NRXN3: variants seen among roughly 807,000 people sequenced by gnomAD.
The protein encoded by NRXN3 is neurexin III.
NRXN3 carries 32 observed loss-of-function variants against 137.6 expected under a neutral mutation model. The observed-to-expected ratio is 0.23, with a 90% confidence interval of 0.18 to 0.31. The LOEUF (loss-of-function observed/expected upper bound fraction) is 0.31. NRXN3 is among the 10% of genes least tolerant of loss of function. The pLI is 1.00. For missense variants in NRXN3, 1,574 were observed against 2,062.5 expected (o/e 0.76, Z 4.59); for synonymous variants, 798 against 784.5 (o/e 1.02, Z -0.29).
intron 4 of NRXN3, among the ~76,000 whole-genome samples, chr14:78,395,081 A>G (rs1036367556): frequency 2.0e-5 from 3 of 151,616 alleles, no homozygotes; most frequent in Non-Finnish European, 4.4e-5. Flanking sequence ...TTTTGTCTTT[A>G]TCTTCCATTT....
intron 8 of NRXN3, among the ~76,000 whole-genome samples, chr14:78,740,016 G>A (rs2098557455): frequency 6.6e-6 from 1 of 152,188 alleles, no homozygotes; most frequent in Admixed American, 6.5e-5. Flanking sequence ...CTTTTGCCTA[G>A]GTTGGGTGCC....
chr14:78,443,380 T>C (rs1201932228), intron 4 of NRXN3, among the ~76,000 whole-genome samples: 1 of 152,242 alleles, frequency 6.6e-6, no homozygotes, highest in Admixed American at 6.5e-5. Context: ...CACTGTGCGC[T>C]CTGCCAGCTG....
chr14:79,676,734 C>CT (rs1205456339), intron 17 of NRXN3, among the ~76,000 whole-genome samples: 1 of 151,758 alleles, frequency 6.6e-6, no homozygotes, highest in Non-Finnish European at 1.5e-5. Context: ...TAAATATATA[C>CT]TTTTTTTAAA....
intron 1 of NRXN3, among the ~76,000 whole-genome samples, chr14:78,185,101 A>G (rs761723130): frequency 3.3e-5 from 5 of 152,304 alleles, no homozygotes; most frequent in East Asian, 1.9e-4. Context: ...GCAAGTATCT[A>G]TTGGACACTT....
intron 15 of NRXN3, among the ~76,000 whole-genome samples, chr14:79,298,506 T>C (rs1446612870): frequency 6.6e-6 from 1 of 152,102 alleles, no homozygotes; most frequent in Non-Finnish European, 1.5e-5. Context: ...AGCTGCTCTT[T>C]CAGAGGTCTT....
At chr14:79,791,307 T>A (rs903268997) in intron 19 of NRXN3, 2 of 151,946 alleles carry the variant, frequency 1.3e-5, no homozygotes, top group African/African-American at 2.4e-5. Flanking sequence ...CTGTTATGAT[T>A]GGCTCTAACT....
intron 19 of NRXN3, among the ~76,000 whole-genome samples, chr14:79,739,791 G>A (rs1031422992): frequency 1.3e-5 from 2 of 151,412 alleles, no homozygotes; most frequent in Non-Finnish European, 2.9e-5. Flanking sequence ...ATAGGGGCAA[G>A]CCCAACTCTA....
rs1263555472 is a variant in NRXN3 at position 78,507,757 on chromosome 14, T to C, written c.758-137363T>C. Among the ~76,000 whole-genome samples the C allele has an allele frequency of 2.0e-5, 3 of 152,178 alleles. 1 individual carries two copies. The highest frequency in any genetic ancestry group is 4.1e-4 in the South Asian group (2 of 4,826). On this transcript the variant is annotated intron_variant, in intron 4 of 20. Transcript: ENST00000335750. The stretch of plus-strand genomic sequence containing the variant: ...CAGTGGTCAAGTCTGTCCACTGATA[T>C]ATTAAAATAAATAAGCATCCATTTT...
At chr14:78,551,223 G>A (rs2096685625) in intron 4 of NRXN3, among the ~76,000 whole-genome samples, 1 of 152,186 alleles carries the variant, frequency 6.6e-6, no homozygotes, top group South Asian at 2.1e-4. Context: ...ATTGGCATTT[G>A]CTGAAGGATC....
intron 15 of NRXN3, among the ~76,000 whole-genome samples, chr14:79,157,588 A>G (rs1410785833): frequency 6.6e-6 from 1 of 151,860 alleles, no homozygotes; most frequent in Non-Finnish European, 1.5e-5. Context: ...TCATCCTCAT[A>G]GATTCCCTGT....
rs562359617 is a variant in NRXN3, at chr14:79,747,911, C to T, written c.4014+49974C>T. 7.0e-4 allele frequency among the ~76,000 whole-genome samples: 106 copies of T among 152,138 alleles called. 1 individual carries two copies. Among genetic ancestry groups the T allele is most frequent in the Non-Finnish European group, 9.0e-4 (61 of 67,980 alleles). ...TTAGTTTCATCTATAAAATAGAATGCTAACATCGACTTTATAGGGTTATTG... is the reference window on the plus strand; with the variant it reads ...TTAGTTTCATCTATAAAATAGAATGTTAACATCGACTTTATAGGGTTATTG... On this transcript the variant is annotated intron_variant, in intron 19 of 20. Transcript: ENST00000335750.
At chr14:78,425,115 G>T (rs2093610969) in intron 4 of NRXN3, among the ~76,000 whole-genome samples, 1 of 152,156 alleles carries the variant, frequency 6.6e-6, no homozygotes, top group Non-Finnish European at 1.5e-5. Flanking sequence ...AGATGTCTTT[G>T]ACCAATAGAC....
chr14:79,300,044 GA>G (rs1036468053), intron 15 of NRXN3, among the ~76,000 whole-genome samples: 3 of 152,014 alleles, frequency 2.0e-5, no homozygotes, highest in Non-Finnish European at 4.4e-5. Flanking sequence ...TAACTATAAT[GA>G]GGTGGAAAGC....
chr14:79,843,634 T>C (rs1243418818), intron 20 of NRXN3, among the ~76,000 whole-genome samples: 1 of 152,248 alleles, frequency 6.6e-6, no homozygotes, highest in East Asian at 1.9e-4. Flanking sequence ...GTTTATGTGA[T>C]ATTAATATTT....
chr14:78,215,793 G>T (rs1038167217), intron 1 of NRXN3, among the ~76,000 whole-genome samples: 3 of 149,456 alleles, frequency 2.0e-5, no homozygotes, highest in African/African-American at 7.4e-5. Context: ...GGGTTAGTTT[G>T]TGCACCTAGG....
At chr14:79,101,346 C>T (rs763593603) in intron 15 of NRXN3, among the ~76,000 whole-genome samples, 2 of 152,216 alleles carry the variant, frequency 1.3e-5, no homozygotes, top group Non-Finnish European at 2.9e-5. Context: ...CTTAAGTTTT[C>T]CTGAAGTTTC....
rs181602748 is a variant in NRXN3 at position 79,149,613 on chromosome 14, C to T, written c.3262+161472C>T. ...AAAGACATGGAATCAACCCAAATGC[C>T]CATCAATGATAGACTGGACAAAGAA... is the stretch of plus-strand genomic sequence containing the variant. On this transcript the variant is annotated intron_variant, in intron 15 of 20. Transcript: ENST00000335750. 1.4e-3 allele frequency among the ~76,000 whole-genome samples: 206 copies of T among 152,098 alleles called. 1 individual carries two copies. Among genetic ancestry groups the T allele is most frequent in the Middle Eastern group, 3.4e-3 (1 of 294 alleles).
intron 4 of NRXN3, among the ~76,000 whole-genome samples, chr14:78,386,904 C>G (rs2090053839): frequency 6.6e-6 from 1 of 152,040 alleles, no homozygotes. Flanking sequence ...CTCAGCCTCC[C>G]AAGTAGCTGG....
Position 78,967,209 on chromosome 14 carries a change from T to A in NRXN3, c.2779T>A (p.Tyr927Asn). Reference protein sequence around the residue: ...DFIAVELVKGYIHYVFDLGNG... With the variant: ...DFIAVELVKGNIHYVFDLGNG... The stretch of plus-strand genomic sequence containing the variant: ...GTTTTTTTTTTTTTTTCTTCCTAGG[T>A]ATATACACTACGTTTTTGACCTCGG... The change falls in exon 13 of 21, where the codon TAT becomes AAT. Residue 927 changes from tyrosine (Y) to asparagine (N), a missense_variant and splice_region_variant. Transcript: ENST00000335750. 6.2e-7 allele frequency: 1 copy of A among 1,604,158 alleles called. No individual in the cohort carries two copies. The highest frequency in any genetic ancestry group is 8.5e-7 in the Non-Finnish European group (1 of 1,173,344).
Sources: allele counts gnomAD v4.1 joint callset (sites outside exome capture counted in the v4.1 genomes callset), GRCh38; gene constraint gnomAD v4.1.1; transcripts MANE v1.5; gene names NCBI Gene and HGNC (gene_info 2026-07-23, HGNC 2026-07-21).